ATAD2B: variants seen among roughly 807,000 people sequenced by gnomAD.
ATAD2B encodes ATPase family AAA domain containing 2B, also known as ATPase family AAA domain-containing protein 2B.
In ATAD2B, 40 loss-of-function variants were observed where a neutral mutation model predicts 167.6. The observed-to-expected ratio is 0.24, with a 90% confidence interval of 0.19 to 0.31. The LOEUF is 0.31. Among genes scored for constraint, ATAD2B ranks in the 10% least tolerant of loss-of-function variants. The probability of loss-of-function intolerance (pLI) is 1.00; values close to 1 mark genes in which losing one functional copy is unlikely to be tolerated. For missense variants in ATAD2B, 1,242 were observed against 1,757.2 expected, an observed-to-expected ratio of 0.71 and a Z score of 5.24; for synonymous variants, 579 against 596.5, an observed-to-expected ratio of 0.97 and a Z score of 0.43.
the ATAD2B span, among the ~76,000 whole-genome samples, chr2:23,719,615 A>G: frequency 6.6e-6 from 1 of 152,132 alleles, no homozygotes; most frequent in African/African-American, 2.4e-5. Flanking sequence ...TTCCACATCC[A>G]TGACACCCTT....
chr2:23,802,211 T>C (rs947288949), intron 18 of ATAD2B, among the ~76,000 whole-genome samples: 23 of 150,496 alleles, frequency 1.5e-4, no homozygotes, highest in African/African-American at 4.6e-4. Flanking sequence ...ATCCTCAATA[T>C]TTATAAAAAT....
At chr2:23,682,157 C>T in the ATAD2B span, among the ~76,000 whole-genome samples, 3 of 152,202 alleles carry the variant, frequency 2.0e-5, no homozygotes, top group Non-Finnish European at 4.4e-5. This position sits in a 1 kb window ranked among gnomAD's most constrained non-coding sequence, Gnocchi z 4.1. Flanking sequence ...GGGGTCCACA[C>T]GCTCCTGTTT....
intron 12 of ATAD2B, among the ~76,000 whole-genome samples, chr2:23,859,555 G>A (rs1694001612): frequency 6.7e-6 from 1 of 148,906 alleles, no homozygotes; most frequent in Non-Finnish European, 1.5e-5. Context: ...TGCTCTGTCT[G>A]TAATAGGAAA....
intron 13 of ATAD2B, among the ~76,000 whole-genome samples, chr2:23,842,947 T>G (rs1259347979): frequency 2.0e-5 from 3 of 151,814 alleles, no homozygotes; most frequent in African/African-American, 7.3e-5. Context: ...AATAATAATA[T>G]CCAGGACACA....
intron 15 of ATAD2B, 70 bp from the exon 16 acceptor site, chr2:23,823,639 T>C: frequency 7.4e-7 from 1 of 1,353,290 alleles, no homozygotes; most frequent in Non-Finnish European, 1.0e-6. Context: ...GTTTTGTAAA[T>C]ATACACATCT....
the ATAD2B span, among the ~76,000 whole-genome samples, chr2:23,717,180 G>A: frequency 2.0e-5 from 3 of 152,186 alleles, no homozygotes; most frequent in East Asian, 5.8e-4. Flanking sequence ...TAATACCTAC[G>A]AGACTGTGGT....
chr2:23,703,988 C>T, the ATAD2B span: 1 of 1,117,570 alleles, frequency 8.9e-7, no homozygotes, highest in African/African-American at 1.6e-5. Context: ...GTGGCCCTCC[C>T]CCTCCAACCA....
the ATAD2B span, among the ~76,000 whole-genome samples, chr2:23,734,055 CAG>C: frequency 6.6e-6 from 1 of 152,122 alleles, no homozygotes; most frequent in Non-Finnish European, 1.5e-5. Context: ...AACTTATCCT[CAG>C]GGGGGAAAAA....
intron 13 of ATAD2B, among the ~76,000 whole-genome samples, chr2:23,842,874 A>G (rs928192551): frequency 6.6e-6 from 1 of 152,212 alleles, no homozygotes. Flanking sequence ...ATTGTCTCCT[A>G]AGAAAAAGGA....
intron 14 of ATAD2B, among the ~76,000 whole-genome samples, chr2:23,831,200 G>T (rs1184581279): frequency 6.6e-6 from 1 of 152,014 alleles, no homozygotes; most frequent in African/African-American, 2.4e-5. Context: ...GCAAATTCAA[G>T]CTCCTCATTT....
At chr2:23,782,262 C>T (rs965891410) in intron 22 of ATAD2B, among the ~76,000 whole-genome samples, 3 of 152,248 alleles carry the variant, frequency 2.0e-5, no homozygotes, top group South Asian at 4.1e-4. Flanking sequence ...AATCACTTAA[C>T]GCAAGTCCAA....
chr2:23,902,376 AC>A, intron 1 of ATAD2B, among the ~76,000 whole-genome samples: 1 of 152,294 alleles, frequency 6.6e-6, no homozygotes, highest in South Asian at 2.1e-4. Flanking sequence ...AAAGTAAGCA[AC>A]CACGATGTAA....
intron 14 of ATAD2B, chr2:23,832,544 T>C (rs1689222072): frequency 1.2e-5 from 2 of 171,616 alleles, no homozygotes; most frequent in Non-Finnish European, 1.2e-5. Flanking sequence ...AAGTGCTCAA[T>C]AGCCACATAC....
chr2:23,695,018 G>A, the ATAD2B span, among the ~76,000 whole-genome samples: 1 of 152,184 alleles, frequency 6.6e-6, no homozygotes, highest in Non-Finnish European at 1.5e-5. This position sits in a 1 kb window ranked among gnomAD's most constrained non-coding sequence, Gnocchi z 7.6. Context: ...AACGAAAGTA[G>A]AGTGATGAGC....
At chr2:23,684,472 A>G in the ATAD2B span, 1 of 1,551,054 alleles carries the variant, frequency 6.4e-7, no homozygotes. This position sits in a 1 kb window ranked among gnomAD's most constrained non-coding sequence, Gnocchi z 4.4. Context: ...TTGAAGGCAG[A>G]GAGTTTGAAG....
At chr2:23,827,038 G>A (rs1275620935) in intron 15 of ATAD2B, among the ~76,000 whole-genome samples, 2 of 151,658 alleles carry the variant, frequency 1.3e-5, no homozygotes, top group East Asian at 1.9e-4. Context: ...AGTTTGTAAT[G>A]GATTTAAAAT....
the ATAD2B span, among the ~76,000 whole-genome samples, chr2:23,704,365 G>C: frequency 2.6e-5 from 4 of 152,218 alleles, no homozygotes; most frequent in Non-Finnish European, 5.9e-5. Context: ...GAAGGTAGAG[G>C]GCTGAGTGTG....
chr2:23,897,890 G>A (rs987256771), intron 1 of ATAD2B, among the ~76,000 whole-genome samples: 11 of 152,286 alleles, frequency 7.2e-5, no homozygotes, highest in Non-Finnish European at 1.0e-4. Flanking sequence ...TTACTGAGGC[G>A]TCACTGCAAT....
intron 17 of ATAD2B, among the ~76,000 whole-genome samples, chr2:23,818,073 CAT>C (rs1365292439): frequency 2.9e-5 from 1 of 34,026 alleles, no homozygotes; most frequent in Non-Finnish European, 5.4e-5. Context: ...GTCAAACACA[CAT>C]AAACACACAC....
Sources: allele counts gnomAD v4.1 joint callset (sites outside exome capture counted in the v4.1 genomes callset), GRCh38; gene constraint gnomAD v4.1.1; non-coding constraint Gnocchi (gnomAD v3.1); transcripts MANE v1.5; gene names NCBI Gene and HGNC (gene_info 2026-07-23, HGNC 2026-07-21).